BABAM2: variants seen among roughly 807,000 people sequenced by gnomAD.
BABAM2 encodes BRISC and BRCA1-A complex member 2.
Under a neutral mutation model 54.7 loss-of-function variants are expected in BABAM2, and 31 were observed. That is an observed-to-expected ratio of 0.57 (90% CI 0.43 to 0.77). BABAM2 has a LOEUF of 0.77. BABAM2 is among the 30% of genes least tolerant of loss of function. BABAM2 has a pLI of 0.00. For synonymous variants in BABAM2, 167 were observed against 162.9 expected, an observed-to-expected ratio of 1.03 and a Z score of -0.19; for missense variants, 364 against 455.8, an observed-to-expected ratio of 0.80 and a Z score of 1.83.
At chr2:28,211,092 C>T (rs889762468) in intron 7 of BABAM2, among the ~76,000 whole-genome samples, 1 of 151,858 alleles carries the variant, frequency 6.6e-6, no homozygotes, top group Non-Finnish European at 1.5e-5. Flanking sequence ...GTTTGTATTC[C>T]CTGAGCAAAT....
At chr2:28,288,683 G>T (rs10495764) in intron 10 of BABAM2, among the ~76,000 whole-genome samples, 16,795 of 152,144 alleles carry the variant, frequency 0.11, 1,289 homozygotes, top group African/African-American at 0.21. Flanking sequence ...TATCAAATGG[G>T]TTATTGAATC....
At chr2:28,009,154 G>A (rs1434677441) in intron 4 of BABAM2, among the ~76,000 whole-genome samples, 1 of 152,106 alleles carries the variant, frequency 6.6e-6, no homozygotes, top group Admixed American at 6.5e-5. Context: ...CTATGTGGGT[G>A]CCTGAACCTG....
intron 5 of BABAM2, 62 bp downstream of exon 5, chr2:28,025,482 A>G: frequency 1.4e-6 from 2 of 1,414,876 alleles, no homozygotes; most frequent in East Asian, 2.4e-5. Context: ...ATCAATTCAT[A>G]TGTCCATTTG....
chr2:27,901,762 A>G (rs1285539781), intron 2 of BABAM2, among the ~76,000 whole-genome samples: 1 of 152,178 alleles, frequency 6.6e-6, no homozygotes, highest in Non-Finnish European at 1.5e-5. Context: ...GCAGTTTTTA[A>G]TAATTTAGAT....
intron 6 of BABAM2, among the ~76,000 whole-genome samples, chr2:28,075,225 A>G (rs938886480): frequency 2.6e-5 from 4 of 152,212 alleles, no homozygotes; most frequent in African/African-American, 9.6e-5. Flanking sequence ...GACACTTTGG[A>G]CTTAGCTGCT....
intron 6 of BABAM2, among the ~76,000 whole-genome samples, chr2:28,097,888 T>C (rs1053106703): frequency 1.3e-5 from 2 of 152,246 alleles, no homozygotes; most frequent in Admixed American, 1.3e-4. Flanking sequence ...GGATTGCTTC[T>C]GGCTTGTCGT....
intron 10 of BABAM2, among the ~76,000 whole-genome samples, chr2:28,260,001 A>G (rs912845667): frequency 2.0e-5 from 3 of 151,842 alleles, no homozygotes; most frequent in Non-Finnish European, 1.5e-5. Context: ...CCCGTATTCA[A>G]GTAATTCCTC....
At chr2:28,087,171 G>C (rs1474822990) in intron 6 of BABAM2, among the ~76,000 whole-genome samples, 1 of 152,070 alleles carries the variant, frequency 6.6e-6, no homozygotes. Flanking sequence ...TAAATTTTTG[G>C]TCTCATATCT....
intron 7 of BABAM2, among the ~76,000 whole-genome samples, chr2:28,188,465 G>A (rs945107573): frequency 5.9e-5 from 9 of 152,168 alleles, no homozygotes; most frequent in Non-Finnish European, 1.2e-4. Flanking sequence ...TAATGGACCT[G>A]AAATCACTGA....
intron 10 of BABAM2, among the ~76,000 whole-genome samples, chr2:28,289,620 C>T (rs1320975126): frequency 6.6e-6 from 1 of 152,060 alleles, no homozygotes; most frequent in African/African-American, 2.4e-5. Flanking sequence ...GAAACCCCAT[C>T]TCTACAAAAA....
chr2:28,168,907 A>T (rs975126571), intron 7 of BABAM2, among the ~76,000 whole-genome samples: 1 of 152,188 alleles, frequency 6.6e-6, no homozygotes, highest in Non-Finnish European at 1.5e-5. Flanking sequence ...CAGAAAGATA[A>T]CAACACTGTA....
chr2:27,892,987 A>C (rs2148251619), intron 1 of BABAM2, among the ~76,000 whole-genome samples: 1 of 152,332 alleles, frequency 6.6e-6, no homozygotes, highest in East Asian at 1.9e-4. Context: ...TTAGCAAATA[A>C]ATTTATTACT....
At chr2:28,131,507 G>A (rs1670073802) in intron 7 of BABAM2, among the ~76,000 whole-genome samples, 1 of 152,134 alleles carries the variant, frequency 6.6e-6, no homozygotes, top group South Asian at 2.1e-4. Context: ...CCTGGTTCCT[G>A]CCACTCACCA....
intron 6 of BABAM2, among the ~76,000 whole-genome samples, chr2:28,090,306 G>A (rs557637134): frequency 5.5e-4 from 84 of 152,214 alleles, no homozygotes; most frequent in Non-Finnish European, 1.0e-3. Context: ...GTGCAGTGGC[G>A]TGATCTTGGC....
At chr2:28,018,583 T>C (rs1312285552) in intron 4 of BABAM2, among the ~76,000 whole-genome samples, 1 of 152,246 alleles carries the variant, frequency 6.6e-6, no homozygotes, top group East Asian at 1.9e-4. Context: ...ATCTCCACAC[T>C]GTTTTGCATA....
intron 10 of BABAM2, among the ~76,000 whole-genome samples, chr2:28,253,045 G>A (rs1683641201): frequency 1.3e-5 from 2 of 152,166 alleles, no homozygotes; most frequent in African/African-American, 4.8e-5. Flanking sequence ...TGAAGCATGG[G>A]CATTATTATG....
intron 7 of BABAM2, among the ~76,000 whole-genome samples, chr2:28,227,356 C>A (rs934344130): frequency 2.6e-5 from 4 of 152,120 alleles, no homozygotes; most frequent in Non-Finnish European, 5.9e-5. Flanking sequence ...CAAAAAGCTG[C>A]TCGGTGTGGT....
chr2:27,924,168 T>G (rs1462626649), intron 2 of BABAM2, among the ~76,000 whole-genome samples: 1 of 152,046 alleles, frequency 6.6e-6, no homozygotes, highest in Non-Finnish European at 1.5e-5. Flanking sequence ...TTACCATGGG[T>G]TTAGAATTTA....
intron 5 of BABAM2, among the ~76,000 whole-genome samples, chr2:28,037,710 G>A (rs1276782740): frequency 6.6e-6 from 1 of 152,174 alleles, no homozygotes; most frequent in African/African-American, 2.4e-5. Flanking sequence ...ATTGTCAACA[G>A]TATATTAAAA....
Sources: allele counts gnomAD v4.1 joint callset (sites outside exome capture counted in the v4.1 genomes callset), GRCh38; gene constraint gnomAD v4.1.1; transcripts MANE v1.5; gene names NCBI Gene and HGNC (gene_info 2026-07-23, HGNC 2026-07-21).